Variants in TMEM132C observed in about 807,000 individuals in gnomAD.
TMEM132C encodes protein phosphatase 1, regulatory subunit 152.
Under a neutral mutation model 61.4 loss-of-function variants are expected in TMEM132C, and 29 were observed. The ratio of observed to expected loss-of-function variants is 0.47; its 90% confidence interval spans 0.35 to 0.64. The LOEUF is 0.64. Ranked by LOEUF, TMEM132C falls within the 30% of genes least tolerant of loss-of-function variation. TMEM132C has a pLI of 0.00. For missense variants in TMEM132C, 1,408 were observed against 1,476.9 expected, an observed-to-expected ratio of 0.95 and a Z score of 0.76; for synonymous variants, 656 against 633.1, an observed-to-expected ratio of 1.04 and a Z score of -0.54.
rs146366610 is a variant in TMEM132C at position 128,325,703 on chromosome 12, T to C, written c.85+58216T>C. On this transcript the variant is annotated intron_variant, in intron 1 of 8. Coordinates refer to ENST00000435159, the MANE Select transcript of TMEM132C (RefSeq NM_001136103.3). ...CGCTTGGCCATGACTTGCTGAAGGA[T>C]ATCGTGGCTGTTTCCAGTTCGGGGC... Among the ~76,000 whole-genome samples, 1,244 of 152,284 alleles carry C rather than the reference T, an allele frequency of 8.2e-3. 11 individuals carry two copies. The highest frequency in any genetic ancestry group is 0.012 in the Non-Finnish European group (844 of 68,016).
intron 1 of TMEM132C, among the ~76,000 whole-genome samples, chr12:128,315,430 TA>T (rs1349370772): frequency 6.6e-6 from 1 of 152,096 alleles, no homozygotes; most frequent in Non-Finnish European, 1.5e-5. Flanking sequence ...AGCTGAGTTT[TA>T]AAATAAGGAA....
chr12:128,398,550 A>T (rs915226808), intron 1 of TMEM132C, among the ~76,000 whole-genome samples: 2 of 152,214 alleles, frequency 1.3e-5, no homozygotes, highest in African/African-American at 4.8e-5. Flanking sequence ...ATAAAATTTT[A>T]AAAAATACAT....
At position 128,700,012 on chromosome 12, in the gene TMEM132C, A is replaced by T. The variant is rs1735250666; in HGVS notation, c.2121+2597A>T. ...ATTTGGGATTAGAAGAAAAAAGAGC[A>T]GAGGAAAGTGGGAGAGAGAAAGCTG... is the stretch of plus-strand genomic sequence containing the variant. On this transcript the variant is annotated intron_variant, in intron 8 of 8. Coordinates refer to ENST00000435159, the MANE Select transcript of TMEM132C (RefSeq NM_001136103.3). Among the ~76,000 whole-genome samples, 3 of 152,242 alleles carry T rather than the reference A, an allele frequency of 2.0e-5. No homozygotes were observed. The South Asian group carries it at 6.2e-4, about 32-fold the overall frequency.
At chr12:128,699,957 G>C (rs1170629252) in intron 8 of TMEM132C, among the ~76,000 whole-genome samples, 1 of 152,114 alleles carries the variant, frequency 6.6e-6, no homozygotes, top group East Asian at 1.9e-4. Context: ...GGTGTTTTCT[G>C]GTTTACAAAG....
chr12:128,536,975 CAG>C (rs1229866975), intron 2 of TMEM132C, among the ~76,000 whole-genome samples: 2 of 152,156 alleles, frequency 1.3e-5, no homozygotes, highest in Non-Finnish European at 2.9e-5. Flanking sequence ...AAGAACAAGA[CAG>C]GGATTTATGC....
chr12:128,551,631 C>T (rs1874178838), intron 3 of TMEM132C, among the ~76,000 whole-genome samples: 2 of 152,216 alleles, frequency 1.3e-5, no homozygotes, highest in East Asian at 1.9e-4. Context: ...GAAGCAAATG[C>T]TTCTGTGTCT....
chr12:128,474,921 G>A (rs377524558), intron 2 of TMEM132C, among the ~76,000 whole-genome samples: 3 of 152,274 alleles, frequency 2.0e-5, no homozygotes, highest in African/African-American at 7.2e-5. Flanking sequence ...TATGTGACCA[G>A]TTATCAGACA....
At chr12:128,639,916 C>G (rs1205457192) in intron 4 of TMEM132C, among the ~76,000 whole-genome samples, 1 of 152,194 alleles carries the variant, frequency 6.6e-6, no homozygotes, top group Admixed American at 6.5e-5. Context: ...GGAAGAAGTT[C>G]TTTGTCAGAA....
At position 128,440,597 on chromosome 12, in the gene TMEM132C, T is replaced by C. The variant is rs991172436; in HGVS notation, c.974+24977T>C. The stretch of plus-strand genomic sequence containing the variant: ...CCAAGGAATACATCTTTTTATTCTC[T>C]TCTGAATCAGTATATCACATGGCCA... On this transcript the variant is annotated intron_variant, in intron 2 of 8. Transcript: ENST00000435159. Among the ~76,000 whole-genome samples the C allele has an allele frequency of 3.3e-5, 5 of 152,232 alleles. No individual in the cohort carries two copies. In the East Asian group the frequency reaches 5.8e-4, roughly 18 times the overall value.
intron 3 of TMEM132C, among the ~76,000 whole-genome samples, chr12:128,611,879 T>C (rs1311416471): frequency 6.6e-6 from 1 of 152,200 alleles, no homozygotes; most frequent in Admixed American, 6.6e-5. Flanking sequence ...TCCCTTAAAA[T>C]GAACAGAGCG....
chr12:128,540,415 A>T (rs1320880566), intron 2 of TMEM132C, among the ~76,000 whole-genome samples: 1 of 152,046 alleles, frequency 6.6e-6, no homozygotes, highest in Non-Finnish European at 1.5e-5. Context: ...CACCATGCCC[A>T]GCTAATTTTT....
chr12:128,610,420 A>T (rs1876592428), intron 3 of TMEM132C, among the ~76,000 whole-genome samples: 1 of 152,204 alleles, frequency 6.6e-6, no homozygotes, highest in African/African-American at 2.4e-5. Flanking sequence ...AGGTTTGGTA[A>T]ATTAGGTTTC....
intron 2 of TMEM132C, among the ~76,000 whole-genome samples, chr12:128,464,264 C>T (rs1187411010): frequency 6.6e-6 from 1 of 152,218 alleles, no homozygotes; most frequent in African/African-American, 2.4e-5. Flanking sequence ...CTCTTCAGGA[C>T]TGATACACCA....
At chr12:128,602,606 T>G (rs142275127) in intron 3 of TMEM132C, among the ~76,000 whole-genome samples, 2,196 of 152,348 alleles carry the variant, frequency 0.014, 50 homozygotes, top group African/African-American at 0.05. Context: ...TGTTTCTACC[T>G]GGTCTCCAAG....
intron 1 of TMEM132C, among the ~76,000 whole-genome samples, chr12:128,375,870 G>A (rs1565916986): frequency 6.6e-6 from 1 of 152,220 alleles, no homozygotes. Flanking sequence ...AAGAGCGAGG[G>A]TGGCATATCC....
intron 1 of TMEM132C, among the ~76,000 whole-genome samples, chr12:128,321,198 C>G (rs1399093444): frequency 2.7e-5 from 4 of 150,270 alleles, no homozygotes; most frequent in African/African-American, 9.8e-5. Flanking sequence ...TTTCTTTTGC[C>G]CTTATGATGA....
intron 2 of TMEM132C, among the ~76,000 whole-genome samples, chr12:128,440,084 A>G (rs1869732415): frequency 6.6e-6 from 1 of 152,178 alleles, no homozygotes; most frequent in Non-Finnish European, 1.5e-5. Flanking sequence ...GCTCTCTCTG[A>G]TATCCTTATG....
chr12:128,425,907 A>G (rs1227062639), intron 2 of TMEM132C, among the ~76,000 whole-genome samples: 1 of 152,212 alleles, frequency 6.6e-6, no homozygotes, highest in Non-Finnish European at 1.5e-5. Context: ...AACTAATTCC[A>G]TCTGCAAAGG....
intron 2 of TMEM132C, among the ~76,000 whole-genome samples, chr12:128,429,359 G>A (rs11059688): frequency 0.15 from 22,081 of 152,202 alleles, 1,676 homozygotes; most frequent in South Asian, 0.29. Context: ...ACCCTGAGAT[G>A]AATAAATGGT....
Sources: allele counts gnomAD v4.1 joint callset (sites outside exome capture counted in the v4.1 genomes callset), GRCh38; gene constraint gnomAD v4.1.1; transcripts MANE v1.5; gene names NCBI Gene and HGNC (gene_info 2026-07-23, HGNC 2026-07-21).